The following CDC73 variants were observed in gnomAD, a reference collection of about 807,000 sequenced individuals.
The protein encoded by CDC73 is cell division cycle 73, also known as parafibromin.
CDC73 carries 21 observed loss-of-function variants against 83.7 expected under a neutral mutation model. That is an observed-to-expected ratio of 0.25 (90% CI 0.18 to 0.36). CDC73 has a LOEUF of 0.36. Ranked by LOEUF, CDC73 falls within the 10% of genes least tolerant of loss-of-function variation. The pLI, the probability that CDC73 is intolerant of heterozygous loss-of-function variation, is 1.00. For synonymous variants in CDC73, 224 were observed against 212.9 expected, an observed-to-expected ratio of 1.05 and a Z score of -0.45; for missense variants, 342 against 653.3, an observed-to-expected ratio of 0.52 and a Z score of 5.19.
chr1:193,122,174 G>A lies in CDC73; in HGVS notation c.-27G>A, dbSNP rs765705132. The A allele has an allele frequency of 1.2e-6, 2 of 1,610,404 alleles. No individual in the cohort carries two copies. The highest frequency in any genetic ancestry group is 2.2e-5 in the East Asian group (1 of 44,774). On this transcript the variant is annotated 5_prime_UTR_variant, in exon 1 of 17. Transcript: ENST00000367435. ...GGCGCGGCGGCAGCGGCGGCGCCCC[G>A]AGCCGGCGGAGGCGAGGGGGGGGAA...
intron 13 of CDC73, among the ~76,000 whole-genome samples, chr1:193,226,075 G>T (rs1036776630): frequency 2.0e-5 from 3 of 152,054 alleles, no homozygotes; most frequent in African/African-American, 7.2e-5. Flanking sequence ...TTAAGTCCTT[G>T]ACCCATCTTG....
intron 10 of CDC73, among the ~76,000 whole-genome samples, chr1:193,185,346 A>G (rs1676787388): frequency 6.6e-6 from 1 of 152,102 alleles, no homozygotes; most frequent in African/African-American, 2.4e-5. Flanking sequence ...CACTATAATA[A>G]CACGAGGCTC....
intron 15 of CDC73, among the ~76,000 whole-genome samples, chr1:193,238,890 C>G (rs964661107): frequency 1.3e-5 from 2 of 152,156 alleles, no homozygotes; most frequent in African/African-American, 4.8e-5. Flanking sequence ...GTTAGTCTTG[C>G]TGTCCCAGGT....
In CDC73 at chr1:193,253,844, A is replaced by G. The variant is rs1678088408; in HGVS notation, c.*3132A>G. ...TTCATTTAAATAAGATTCATTATCTAATAAATATTGAGGGAATATTTTTCC... is the reference window on the plus strand; with the variant it reads ...TTCATTTAAATAAGATTCATTATCTGATAAATATTGAGGGAATATTTTTCC... On this transcript the variant is annotated 3_prime_UTR_variant, in exon 17 of 17. Coordinates refer to ENST00000367435, the MANE Select transcript of CDC73 (RefSeq NM_024529.5). The G allele has an allele frequency of 4.4e-6, 1 of 228,008 alleles. No individual in the cohort carries two copies. Among genetic ancestry groups the G allele is most frequent in the Non-Finnish European group, 8.7e-6 (1 of 114,876 alleles). The allele number at this position is 228,008 out of a possible 1,614,324, so 14.1% of individuals were successfully genotyped here. A position where few individuals can be genotyped will look rare whatever the true frequency, so the allele number is the denominator to read the frequency against.
chr1:193,197,820 G>C (rs1234631546), intron 10 of CDC73, among the ~76,000 whole-genome samples: 1 of 151,644 alleles, frequency 6.6e-6, no homozygotes, highest in Non-Finnish European at 1.5e-5. Flanking sequence ...CAGCTACTCA[G>C]GAGGCTGAGG....
intron 10 of CDC73, among the ~76,000 whole-genome samples, chr1:193,162,364 T>G (rs1301095812): frequency 9.3e-5 from 13 of 139,440 alleles, no homozygotes; most frequent in Admixed American, 1.6e-4. Flanking sequence ...ATATTATATA[T>G]AGTGTATATA....
At chr1:193,131,799 T>C (rs1675698908) in intron 3 of CDC73, among the ~76,000 whole-genome samples, 1 of 152,214 alleles carries the variant, frequency 6.6e-6, no homozygotes, top group Non-Finnish European at 1.5e-5. Context: ...TTCCAAATGT[T>C]GTTCCATCAG....
rs1314320744 is a variant in CDC73, at chr1:193,122,120, G to C, written c.-81G>C. The C allele has an allele frequency of 1.1e-5, 15 of 1,407,156 alleles. No homozygotes were observed. Among genetic ancestry groups the C allele is most frequent in the Non-Finnish European group, 1.3e-5 (13 of 995,478 alleles). The allele number at this position is 1,407,156 out of a possible 1,614,324, so 87.2% of individuals were successfully genotyped here. On this transcript the variant is annotated 5_prime_UTR_variant, in exon 1 of 17. Transcript: ENST00000367435. ...CGGCGGCGAAGGAGGAGGAGGAAGA[G>C]GGCGAGGCGACAAGAGAAGAAGGAG... is the stretch of plus-strand genomic sequence containing the variant.
At chr1:193,172,584 AT>A (rs1215900931) in intron 10 of CDC73, among the ~76,000 whole-genome samples, 1 of 151,994 alleles carries the variant, frequency 6.6e-6, no homozygotes, top group Non-Finnish European at 1.5e-5. Context: ...AGTTCTTGTC[AT>A]TTTTTTGACA....
At chr1:193,159,022 A>G (rs1282955601) in intron 10 of CDC73, among the ~76,000 whole-genome samples, 3 of 152,194 alleles carry the variant, frequency 2.0e-5, no homozygotes, top group Middle Eastern at 6.3e-3. Context: ...TGAATAGGCA[A>G]TATTTTTTTC....
intron 2 of CDC73, among the ~76,000 whole-genome samples, chr1:193,127,602 A>G (rs1275315061): frequency 1.3e-5 from 2 of 152,072 alleles, no homozygotes; most frequent in Non-Finnish European, 2.9e-5. Context: ...TTAGATTTAT[A>G]GATTCTGTTT....
chr1:193,135,641 G>T, intron 5 of CDC73, 52 bp downstream of exon 5: 1 of 1,394,164 alleles, frequency 7.2e-7, no homozygotes, highest in South Asian at 1.2e-5. Context: ...TTGAAATTGG[G>T]ATTCTTTAGT....
intron 5 of CDC73, among the ~76,000 whole-genome samples, chr1:193,136,260 G>C (rs1041033718): frequency 6.6e-6 from 1 of 152,108 alleles, no homozygotes; most frequent in African/African-American, 2.4e-5. Flanking sequence ...AACAGATGGC[G>C]GGCCAGAATT....
intron 6 of CDC73, among the ~76,000 whole-genome samples, chr1:193,138,485 A>G (rs1461534414): frequency 6.6e-6 from 1 of 152,220 alleles, no homozygotes. Context: ...TTTTCTGGAA[A>G]GTGCCACATG....
At chr1:193,184,740 T>A (rs1171117220) in intron 10 of CDC73, among the ~76,000 whole-genome samples, 21 of 151,990 alleles carry the variant, frequency 1.4e-4, no homozygotes, top group Admixed American at 1.1e-3. Context: ...TTTACAACCA[T>A]ATTTTTTAGT....
chr1:193,166,835 G>A (rs996993380), intron 10 of CDC73, among the ~76,000 whole-genome samples: 6 of 151,646 alleles, frequency 4.0e-5, no homozygotes, highest in Non-Finnish European at 7.4e-5. Context: ...TAGCAGAGAC[G>A]GGGTTTCTCC....
intron 10 of CDC73, among the ~76,000 whole-genome samples, chr1:193,159,992 A>G (rs1008973944): frequency 2.0e-5 from 3 of 152,304 alleles, no homozygotes; most frequent in South Asian, 2.1e-4. Flanking sequence ...ATACATATAA[A>G]GCGAATATTA....
chr1:193,179,615 C>T (rs1213236114), intron 10 of CDC73: 1 of 152,522 alleles, frequency 6.6e-6, no homozygotes, highest in East Asian at 1.9e-4. Context: ...GCCTGAGACA[C>T]ATTAGTTTTT....
intron 15 of CDC73, among the ~76,000 whole-genome samples, chr1:193,247,788 TA>T (rs928050574): frequency 7.9e-4 from 120 of 152,262 alleles, no homozygotes; most frequent in African/African-American, 2.8e-3. Context: ...AGCAGTGCCC[TA>T]ACTCTCTTCA....
Sources: allele counts gnomAD v4.1 joint callset (sites outside exome capture counted in the v4.1 genomes callset), GRCh38; gene constraint gnomAD v4.1.1; transcripts MANE v1.5; gene names NCBI Gene and HGNC (gene_info 2026-07-23, HGNC 2026-07-21).